The following GNG4 variants were observed in gnomAD, a reference collection of about 807,000 sequenced individuals.
The protein encoded by GNG4 is G protein subunit gamma 4.
Under a neutral mutation model 5.8 loss-of-function variants are expected in GNG4, and 4 were observed. The observed-to-expected ratio is 0.69, with a 90% CI of 0.34 to 1.57. The LOEUF (loss-of-function observed/expected upper bound fraction) is 1.57. Ranked by LOEUF, GNG4 falls within the 40% of genes most tolerant of loss-of-function variation. The pLI, the probability that GNG4 is intolerant of heterozygous loss-of-function variation, is 0.06. For synonymous variants in GNG4, 29 were observed against 32.9 expected, an observed-to-expected ratio of 0.88 and a Z score of 0.41; for missense variants, 96 against 95.1, an observed-to-expected ratio of 1.01 and a Z score of -0.04.
At chr1:235,600,360 C>T (rs2102960918) in intron 1 of GNG4, among the ~76,000 whole-genome samples, 1 of 151,992 alleles carries the variant, frequency 6.6e-6, no homozygotes, top group Admixed American at 6.6e-5. Context: ...AGTGATCTGC[C>T]CACCTTGGCC....
chr1:235,630,590 C>T (rs73122528), intron 1 of GNG4, among the ~76,000 whole-genome samples: 2,735 of 152,290 alleles, frequency 0.018, 90 homozygotes, highest in African/African-American at 0.061. Flanking sequence ...GCAGGGTCGC[C>T]TGTCATACGC....
chr1:235,647,339 A>C (rs1357250818), intron 1 of GNG4, among the ~76,000 whole-genome samples: 1 of 151,936 alleles, frequency 6.6e-6, no homozygotes, highest in African/African-American at 2.4e-5. Flanking sequence ...TAAAGTTACT[A>C]CTTCAAAATT....
At chr1:235,559,379 T>C (rs1188557093) in intron 3 of GNG4, among the ~76,000 whole-genome samples, 2 of 152,194 alleles carry the variant, frequency 1.3e-5, no homozygotes, top group East Asian at 1.9e-4. Flanking sequence ...TACAGGTATA[T>C]ACCTCACCTT....
intron 1 of GNG4, among the ~76,000 whole-genome samples, chr1:235,637,036 C>T (rs971143736): frequency 4.3e-5 from 6 of 139,490 alleles, no homozygotes; most frequent in African/African-American, 1.1e-4. Context: ...CCAGCCTGGG[C>T]GACAGAGCCA....
chr1:235,552,575 C>T (rs1472972713), intron 3 of GNG4, among the ~76,000 whole-genome samples: 2 of 152,150 alleles, frequency 1.3e-5, no homozygotes. Flanking sequence ...TTTGCTAAAC[C>T]GTTTCTGGAA....
intron 3 of GNG4, among the ~76,000 whole-genome samples, chr1:235,577,934 T>C (rs1687527018): frequency 6.6e-6 from 1 of 152,214 alleles, no homozygotes; most frequent in African/African-American, 2.4e-5. Context: ...CCCTGGTGAC[T>C]TCCTCTCTCT....
At chr1:235,567,110 A>T (rs567937969) in intron 3 of GNG4, among the ~76,000 whole-genome samples, 2 of 151,792 alleles carry the variant, frequency 1.3e-5, no homozygotes, top group Non-Finnish European at 2.9e-5. Context: ...AAAAAAAAAA[A>T]TTTAGTAGAG....
In GNG4 at chr1:235,549,031, A is replaced by G. The variant is rs746940960; in HGVS notation, c.*3078T>C. ...AACATGGTGAAACTCCGTCTCTACT[A>G]AAAATACAAAAATTAGCCGGGTGTG... is the stretch of plus-strand genomic sequence containing the variant. On this transcript the variant is annotated 3_prime_UTR_variant, in exon 4 of 4. Coordinates refer to ENST00000391854, the MANE Select transcript of GNG4 (RefSeq NM_001098722.2). 1 of 152,324 alleles carries G rather than the reference A, an allele frequency of 6.6e-6. No homozygotes were observed. Among genetic ancestry groups the G allele is most frequent in the Non-Finnish European group, 1.5e-5 (1 of 68,156 alleles). The allele number at this position is 152,324 out of a possible 1,614,324, so 9.4% of individuals were successfully genotyped here. A position where few individuals can be genotyped will look rare whatever the true frequency, so the allele number is the denominator to read the frequency against.
At chr1:235,567,064 C>T (rs1274515978) in intron 3 of GNG4, 1 of 151,778 alleles carries the variant, frequency 6.6e-6, no homozygotes, top group Non-Finnish European at 1.5e-5. Context: ...ACCTCAGCCT[C>T]CTAAGTAGGC....
chr1:235,629,128 C>A (rs1010543240), intron 1 of GNG4, among the ~76,000 whole-genome samples: 2 of 151,784 alleles, frequency 1.3e-5, no homozygotes, highest in African/African-American at 4.8e-5. Flanking sequence ...AGAGATCCTC[C>A]CACTTCAGCC....
chr1:235,628,716 T>A (rs2102981488), intron 1 of GNG4, among the ~76,000 whole-genome samples: 1 of 152,326 alleles, frequency 6.6e-6, no homozygotes, highest in South Asian at 2.1e-4. Context: ...TCCCCGCATA[T>A]CTGAATATGG....
intron 1 of GNG4, among the ~76,000 whole-genome samples, chr1:235,630,458 C>T (rs751232009): frequency 1.3e-5 from 2 of 152,222 alleles, no homozygotes; most frequent in Non-Finnish European, 2.9e-5. Flanking sequence ...TTATCAGATG[C>T]CGTCATCAAG....
chr1:235,613,616 T>C (rs760210751), intron 1 of GNG4, among the ~76,000 whole-genome samples: 2 of 152,148 alleles, frequency 1.3e-5, no homozygotes, highest in Admixed American at 6.5e-5. Context: ...GTCCAGCCTC[T>C]AGAAGCTGGA....
In GNG4 at chr1:235,642,102, C is replaced by T. The variant is rs565775441; in HGVS notation, c.-123+7560G>A. Among the ~76,000 whole-genome samples the T allele has an allele frequency of 6.6e-6, 1 of 152,112 alleles. No homozygotes were observed. The highest frequency in any genetic ancestry group is 1.9e-4 in the East Asian group (1 of 5,188). On this transcript the variant is annotated intron_variant, in intron 1 of 3. Transcript: ENST00000391854. This position sits in a 1 kb window ranked among gnomAD's most constrained non-coding sequence, Gnocchi z 4.3. ...GAAAAGCAACATAACACACTAAGAA[C>T]CGTGCGGAAAAGGAGAGAAAACCAG...
At chr1:235,631,606 T>C (rs781230761) in intron 1 of GNG4, among the ~76,000 whole-genome samples, 31 of 151,826 alleles carry the variant, frequency 2.0e-4, no homozygotes, top group Non-Finnish European at 5.9e-5. Flanking sequence ...AGTCTTGCTC[T>C]GTTGCTCAGG....
intron 1 of GNG4, among the ~76,000 whole-genome samples, chr1:235,602,433 G>A (rs1005133400): frequency 1.3e-5 from 2 of 152,280 alleles, no homozygotes; most frequent in Admixed American, 6.5e-5. Context: ...GGAGCTGAGC[G>A]GCCCCGTTAG....
chr1:235,594,307 A>G (rs1486060317), intron 2 of GNG4, among the ~76,000 whole-genome samples: 1 of 152,174 alleles, frequency 6.6e-6, no homozygotes, highest in Non-Finnish European at 1.5e-5. Flanking sequence ...TGTATTTACA[A>G]TCCCTTAGCT....
At chr1:235,643,771 G>A (rs1415342317) in intron 1 of GNG4, among the ~76,000 whole-genome samples, 4 of 152,216 alleles carry the variant, frequency 2.6e-5, no homozygotes, top group Non-Finnish European at 5.9e-5. Context: ...CCCTAGAATG[G>A]CAAATCCATG....
At chr1:235,580,750 T>TTG (rs1571891499) in intron 3 of GNG4, among the ~76,000 whole-genome samples, 5 of 146,242 alleles carry the variant, frequency 3.4e-5, no homozygotes, top group South Asian at 2.3e-4. Flanking sequence ...TTTTTTGTTT[T>TTG]TTTTTTTTTT....
Sources: allele counts gnomAD v4.1 joint callset (sites outside exome capture counted in the v4.1 genomes callset), GRCh38; gene constraint gnomAD v4.1.1; non-coding constraint Gnocchi (gnomAD v3.1); transcripts MANE v1.5; gene names NCBI Gene and HGNC (gene_info 2026-07-23, HGNC 2026-07-21).